AFG2A: variants seen among roughly 807,000 people sequenced by gnomAD.
The protein encoded by AFG2A is AAA ATPase AFG2A, also known as ATPase family gene 2 protein homolog A.
At chr4:123,045,997 T>C in the AFG2A span, among the ~76,000 whole-genome samples, 1 of 151,282 alleles carries the variant, frequency 6.6e-6, no homozygotes, top group Non-Finnish European at 1.5e-5. Flanking sequence ...CTCAGGAAGC[T>C]GAGGCAGGAG....
At chr4:123,114,832 G>A in the AFG2A span, among the ~76,000 whole-genome samples, 1 of 152,340 alleles carries the variant, frequency 6.6e-6, no homozygotes, top group South Asian at 2.1e-4. Flanking sequence ...TGGCATAGTG[G>A]CCCTGGCCAA....
the AFG2A span, among the ~76,000 whole-genome samples, chr4:123,032,647 C>T: frequency 6.6e-6 from 1 of 152,222 alleles, no homozygotes; most frequent in South Asian, 2.1e-4. Context: ...GACTCCCGAC[C>T]TTGTGATCCA....
the AFG2A span, among the ~76,000 whole-genome samples, chr4:123,294,634 C>G: frequency 6.6e-6 from 1 of 152,110 alleles, no homozygotes; most frequent in South Asian, 2.1e-4. Context: ...AAACACTATA[C>G]TCTGAAACAC....
At chr4:123,236,404 C>T in the AFG2A span, among the ~76,000 whole-genome samples, 29 of 152,198 alleles carry the variant, frequency 1.9e-4, no homozygotes, top group East Asian at 3.9e-4. Context: ...TGTTTTTTAA[C>T]GCTTGAAATA....
chr4:123,193,773 G>GT, the AFG2A span, among the ~76,000 whole-genome samples: 5 of 152,118 alleles, frequency 3.3e-5, no homozygotes, highest in African/African-American at 1.2e-4. Context: ...TTAAACCAGA[G>GT]TTTAACATCT....
At chr4:122,992,956 T>TTGTGTGTGTGTGTGTGTGTG in the AFG2A span, among the ~76,000 whole-genome samples, 209 of 132,864 alleles carry the variant, frequency 1.6e-3, 1 homozygote, top group Middle Eastern at 0.016. Flanking sequence ...CCTGTAAGAT[T>TTGTGTGTGTGTGTGTGTGTG]TGTGTGTGTG....
the AFG2A span, among the ~76,000 whole-genome samples, chr4:122,937,402 T>A: frequency 5.2e-3 from 796 of 152,258 alleles, 7 homozygotes; most frequent in African/African-American, 0.018. Context: ...TTGGCCAGGC[T>A]GGTCTTGAAC....
At chr4:123,101,192 A>C in the AFG2A span, among the ~76,000 whole-genome samples, 2 of 151,936 alleles carry the variant, frequency 1.3e-5, no homozygotes, top group African/African-American at 2.4e-5. Flanking sequence ...GGTGAACTTC[A>C]TGGAACATTT....
the AFG2A span, among the ~76,000 whole-genome samples, chr4:122,953,933 G>T: frequency 6.6e-6 from 1 of 152,194 alleles, no homozygotes; most frequent in African/African-American, 2.4e-5. Flanking sequence ...CCATACCATT[G>T]GTTGAGTGCA....
chr4:122,928,136 G>T, the AFG2A span, among the ~76,000 whole-genome samples: 1 of 152,162 alleles, frequency 6.6e-6, no homozygotes, highest in African/African-American at 2.4e-5. Flanking sequence ...AAAATGTTAT[G>T]TAGAGAGAAG....
At chr4:123,314,027 A>G in the AFG2A span, 1 of 1,609,866 alleles carries the variant, frequency 6.2e-7, no homozygotes, top group Admixed American at 1.7e-5. Context: ...CGTTTTTATG[A>G]AGATTATCAA....
At chr4:122,979,671 GGT>G in the AFG2A span, among the ~76,000 whole-genome samples, 14 of 152,154 alleles carry the variant, frequency 9.2e-5, no homozygotes, top group Non-Finnish European at 1.9e-4. Context: ...GGGAGGCTGA[GGT>G]GGGCGGATCA....
chr4:123,032,027 A>G, the AFG2A span, among the ~76,000 whole-genome samples: 19 of 152,232 alleles, frequency 1.2e-4, no homozygotes, highest in Non-Finnish European at 2.9e-5. Flanking sequence ...CTGGAGTGCT[A>G]CAATAGATTA....
the AFG2A span, among the ~76,000 whole-genome samples, chr4:123,209,959 A>C: frequency 6.6e-6 from 1 of 152,050 alleles, no homozygotes; most frequent in Non-Finnish European, 1.5e-5. Flanking sequence ...TCCAGGTCCT[A>C]AGCAGTAATA....
the AFG2A span, among the ~76,000 whole-genome samples, chr4:122,982,864 C>CTTTTTTTT: frequency 5.3e-4 from 50 of 93,740 alleles, no homozygotes; most frequent in Middle Eastern, 9.4e-3. Flanking sequence ...TAATCTTCTT[C>CTTTTTTTT]TTTTTTTTTT....
the AFG2A span, among the ~76,000 whole-genome samples, chr4:123,036,481 G>A: frequency 6.6e-6 from 1 of 152,000 alleles, no homozygotes; most frequent in African/African-American, 2.4e-5. Context: ...TAGCTCAAGA[G>A]GATGATTATT....
the AFG2A span, among the ~76,000 whole-genome samples, chr4:123,285,033 C>T: frequency 2.6e-5 from 4 of 152,086 alleles, no homozygotes; most frequent in Non-Finnish European, 4.4e-5. Context: ...TTTTTACCAC[C>T]AAAGTTCTTA....
the AFG2A span, among the ~76,000 whole-genome samples, chr4:122,990,596 T>G: frequency 6.6e-6 from 1 of 152,358 alleles, no homozygotes; most frequent in Admixed American, 6.5e-5. Context: ...ATTTTTTTTT[T>G]TTAAAGAGGC....
chr4:123,266,460 A>G, the AFG2A span, among the ~76,000 whole-genome samples: 2 of 151,942 alleles, frequency 1.3e-5, no homozygotes, highest in Non-Finnish European at 2.9e-5. Flanking sequence ...TAAAAAATCT[A>G]CAATTTGCCT....
Sources: gnomAD v4.1 joint callset for allele counts (sites outside exome capture counted in the v4.1 genomes callset) on GRCh38, gnomAD v4.1.1 for gene constraint, MANE v1.5 for transcripts, NCBI Gene and HGNC (gene_info 2026-07-23, HGNC 2026-07-21) for gene names.